Variants in FMN2 observed in about 807,000 individuals in gnomAD.
FMN2 encodes formin-2.
Under a neutral mutation model 142.3 loss-of-function variants are expected in FMN2, and 51 were observed. The observed-to-expected ratio is 0.36, with a 90% CI of 0.29 to 0.45. The LOEUF (loss-of-function observed/expected upper bound fraction) is 0.45, where lower values mean the gene tolerates loss of function less well. Among genes scored for constraint, FMN2 ranks in the 20% least tolerant of loss-of-function variants. The probability of loss-of-function intolerance (pLI) is 1.00; values close to 1 mark genes in which losing one functional copy is unlikely to be tolerated. For missense variants in FMN2, 1,936 were observed against 2,122.8 expected (o/e 0.91, Z 1.73); for synonymous variants, 882 against 869.8 (o/e 1.01, Z -0.25).
intron 7 of FMN2, among the ~76,000 whole-genome samples, chr1:240,272,468 G>T (rs1669050368): frequency 6.6e-6 from 1 of 152,152 alleles, no homozygotes; most frequent in Admixed American, 6.6e-5. Context: ...AGTTATGTTT[G>T]TATTTCAAAA....
chr1:240,133,644 C>A (rs1222490884), intron 2 of FMN2, among the ~76,000 whole-genome samples: 6 of 152,128 alleles, frequency 3.9e-5, no homozygotes, highest in African/African-American at 1.4e-4. Context: ...CATGTCTTCT[C>A]TCACTTGTGG....
At chr1:240,432,453 C>G (rs1675209644) in intron 15 of FMN2, among the ~76,000 whole-genome samples, 2 of 151,878 alleles carry the variant, frequency 1.3e-5, no homozygotes, top group African/African-American at 4.8e-5. Context: ...AAACCAACTT[C>G]TGACTGAGTT....
At chr1:240,102,063 T>G (rs1661435227) in intron 1 of FMN2, among the ~76,000 whole-genome samples, 2 of 152,200 alleles carry the variant, frequency 1.3e-5, no homozygotes, top group South Asian at 4.1e-4. Flanking sequence ...CAATATACTT[T>G]AATATATTGG....
intron 6 of FMN2, among the ~76,000 whole-genome samples, chr1:240,240,476 A>T (rs1292406689): frequency 6.6e-6 from 1 of 152,106 alleles, no homozygotes; most frequent in Non-Finnish European, 1.5e-5. Context: ...GTTGTCATTA[A>T]CCTTATTATC....
intron 2 of FMN2, among the ~76,000 whole-genome samples, chr1:240,136,458 A>G (rs1005382823): frequency 6.6e-6 from 1 of 152,214 alleles, no homozygotes; most frequent in Non-Finnish European, 1.5e-5. Context: ...CAGACTTTTT[A>G]AGACAATGAC....
chr1:240,266,737 G>T (rs551939146), intron 7 of FMN2, among the ~76,000 whole-genome samples: 1 of 151,516 alleles, frequency 6.6e-6, no homozygotes, highest in African/African-American at 2.4e-5. Flanking sequence ...GCATGGTACT[G>T]GTACAAAAAG....
intron 6 of FMN2, among the ~76,000 whole-genome samples, chr1:240,213,445 A>G (rs960334701): frequency 3.9e-5 from 6 of 152,200 alleles, no homozygotes; most frequent in African/African-American, 1.2e-4. Flanking sequence ...AAATCACTAC[A>G]AAGTGATGGA....
intron 2 of FMN2, among the ~76,000 whole-genome samples, chr1:240,166,227 T>C (rs1664476528): frequency 1.3e-5 from 2 of 151,346 alleles, no homozygotes; most frequent in Admixed American, 1.3e-4. Context: ...TCATGTATTA[T>C]TATTATTAAT....
Position 240,098,097 on chromosome 1 carries a change from A to ATTTTTTT in FMN2, c.1615+4388_1615+4394dup, listed in dbSNP as rs35191164. 2.2e-3 allele frequency among the ~76,000 whole-genome samples: 221 copies of ATTTTTTT among 98,632 alleles called. 18 individuals carry two copies. The highest frequency in any genetic ancestry group is 8.9e-3 in the African/African-American group (195 of 21,824). 64.7% of individuals were successfully genotyped at this position (98,632 alleles called of 152,430 possible). On this transcript the variant is annotated intron_variant, in intron 1 of 17. Coordinates refer to ENST00000319653, the MANE Select transcript of FMN2 (RefSeq NM_020066.5). The stretch of plus-strand genomic sequence containing the variant: ...TTGGCCTTTCTAAAGGTTATCTTGA[A>ATTTTTTT]TTTTTTTTTTTTTTTTTTTTTGGAG...
intron 14 of FMN2, among the ~76,000 whole-genome samples, chr1:240,360,028 A>G (rs1558451807): frequency 1.3e-5 from 2 of 152,186 alleles, no homozygotes; most frequent in Admixed American, 6.5e-5. Flanking sequence ...GCACCACAAT[A>G]TTGAGCAGCT....
At chr1:240,366,549 T>C (rs969358192) in intron 14 of FMN2, among the ~76,000 whole-genome samples, 1 of 151,832 alleles carries the variant, frequency 6.6e-6, no homozygotes, top group South Asian at 2.1e-4. Flanking sequence ...TTTTTTTTTT[T>C]TAAATTTGAG....
chr1:240,460,853 C>G (rs1157605211), intron 16 of FMN2, among the ~76,000 whole-genome samples: 1 of 151,980 alleles, frequency 6.6e-6, no homozygotes, highest in African/African-American at 2.4e-5. Flanking sequence ...ACATGTTCTC[C>G]TGGGCAAACA....
chr1:240,449,710 C>T (rs1310288618), intron 16 of FMN2, among the ~76,000 whole-genome samples: 1 of 152,088 alleles, frequency 6.6e-6, no homozygotes, highest in Non-Finnish European at 1.5e-5. Flanking sequence ...TTTGTTCCTC[C>T]TTAAAGGGAC....
intron 3 of FMN2, among the ~76,000 whole-genome samples, chr1:240,186,858 G>T (rs957492840): frequency 6.6e-6 from 1 of 152,160 alleles, no homozygotes; most frequent in South Asian, 2.1e-4. Flanking sequence ...AACTTTCATT[G>T]TAGCTTAACA....
intron 4 of FMN2, among the ~76,000 whole-genome samples, chr1:240,206,411 C>A (rs903718483): frequency 6.6e-6 from 1 of 152,066 alleles, no homozygotes; most frequent in Non-Finnish European, 1.5e-5. Context: ...CAGTGACTAC[C>A]TTTAAAATTC....
At chr1:240,340,976 T>G (rs78146363) in intron 13 of FMN2, among the ~76,000 whole-genome samples, 1 of 152,154 alleles carries the variant, frequency 6.6e-6, no homozygotes, top group Non-Finnish European at 1.5e-5. Flanking sequence ...TGTACATTGG[T>G]CTAATCCCTG....
intron 15 of FMN2, among the ~76,000 whole-genome samples, chr1:240,430,330 C>T (rs1675119192): frequency 1.3e-5 from 2 of 152,056 alleles, no homozygotes; most frequent in Admixed American, 6.5e-5. Context: ...AAACACTTCT[C>T]CAAAGTGGTT....
intron 1 of FMN2, among the ~76,000 whole-genome samples, chr1:240,104,371 A>T (rs1298600736): frequency 6.6e-6 from 1 of 152,058 alleles, no homozygotes; most frequent in Non-Finnish European, 1.5e-5. Context: ...TTTAGGTATT[A>T]TTAACACTTT....
chr1:240,341,791 G>A (rs1671754084), intron 13 of FMN2, among the ~76,000 whole-genome samples: 1 of 152,148 alleles, frequency 6.6e-6, no homozygotes. Context: ...CCTGCCCTGT[G>A]GGCATATTAG....
Sources: gnomAD v4.1 joint callset for allele counts (sites outside exome capture counted in the v4.1 genomes callset) on GRCh38, gnomAD v4.1.1 for gene constraint, MANE v1.5 for transcripts, NCBI Gene and HGNC (gene_info 2026-07-23, HGNC 2026-07-21) for gene names.